Variants in TUT4 observed in about 807,000 individuals in gnomAD.
TUT4 encodes terminal uridylyltransferase 4.
A neutral mutation model predicts 192.2 loss-of-function variants in TUT4; 36 were observed. That is an observed-to-expected ratio of 0.19 (90% CI 0.14 to 0.25). TUT4 has a LOEUF of 0.25. Ranked by LOEUF, TUT4 falls within the 10% of genes least tolerant of loss-of-function variation. The pLI is 1.00. For synonymous variants in TUT4, 618 were observed against 666.0 expected (o/e 0.93, Z 1.11); for missense variants, 1,493 against 1,957.2 (o/e 0.76, Z 4.47).
At position 52,424,010 on chromosome 1, in the gene TUT4, A is replaced by C. The variant is rs1273796516; in HGVS notation, c.4871-8T>G. 6.2e-7 allele frequency: 1 copy of C among 1,607,062 alleles called. No individual in the cohort carries two copies. The highest frequency in any genetic ancestry group is 8.5e-7 in the Non-Finnish European group (1 of 1,176,740). ...GACGGGTGGCACATCTGTCTGTTGG[A>C]TACAACACAGACAGGAAACTGAAAG... On this transcript the variant is annotated splice_polypyrimidine_tract_variant and splice_region_variant and intron_variant, in intron 29 of 29. Transcript: ENST00000257177.
chr1:52,479,057 G>A (rs1432890709), intron 11 of TUT4, among the ~76,000 whole-genome samples: 1 of 152,134 alleles, frequency 6.6e-6, no homozygotes, highest in Non-Finnish European at 1.5e-5. Context: ...AGGTTACAGT[G>A]TTCAATAGAG....
chr1:52,451,642 G>A (rs1201474946), intron 20 of TUT4, among the ~76,000 whole-genome samples: 5 of 152,138 alleles, frequency 3.3e-5, no homozygotes, highest in Non-Finnish European at 5.9e-5. Context: ...AGGAGTTCAA[G>A]ACCAGCCTGG....
intron 7 of TUT4, among the ~76,000 whole-genome samples, chr1:52,492,477 G>A (rs1300360500): frequency 6.6e-6 from 1 of 151,980 alleles, no homozygotes; most frequent in African/African-American, 2.4e-5. Context: ...CTAAACTATA[G>A]TTTAGCCTAT....
intron 1 of TUT4, among the ~76,000 whole-genome samples, chr1:52,549,584 TTAAA>T (rs1688888800): frequency 1.3e-5 from 2 of 152,184 alleles, no homozygotes; most frequent in African/African-American, 4.8e-5. Flanking sequence ...AAATGAATGT[TTAAA>T]TGAATGAATG....
At chr1:52,439,924 A>G (rs774769208) in intron 24 of TUT4, among the ~76,000 whole-genome samples, 2 of 152,236 alleles carry the variant, frequency 1.3e-5, no homozygotes, top group Non-Finnish European at 2.9e-5. Context: ...ATACAATGGA[A>G]TATTTTTCAG....
In TUT4 at chr1:52,432,247, C is replaced by G. The variant is rs1180996878; in HGVS notation, c.4264-787G>C. The G allele has an allele frequency of 2.0e-5, 3 of 152,032 alleles. No individual in the cohort carries two copies. In the South Asian group the frequency reaches 6.2e-4, roughly 32 times the overall value. The allele number at this position is 152,032 out of a possible 1,614,324, so 9.4% of individuals were successfully genotyped here. On this transcript the variant is annotated intron_variant, in intron 27 of 29. Coordinates refer to ENST00000257177, the MANE Select transcript of TUT4 (RefSeq NM_001009881.3). The stretch of plus-strand genomic sequence containing the variant: ...AGAGAAGAGAAATCAGGGAAAGCTT[C>G]CTAGAAAAAGTGATCTTTTAGCTGA...
chr1:52,462,659 A>C, intron 16 of TUT4: 1 of 951,118 alleles, frequency 1.1e-6, no homozygotes, highest in Non-Finnish European at 1.3e-6. Context: ...TGCCTGGCAC[A>C]AAATAAGCCT....
Position 52,530,223 on chromosome 1 carries a change from C to T in TUT4, c.-93-3850G>A, listed in dbSNP as rs562234651. Among the ~76,000 whole-genome samples, 9 of 143,596 alleles carry T rather than the reference C, an allele frequency of 6.3e-5. No individual in the cohort carries two copies. In the South Asian group the frequency reaches 2.0e-3, roughly 32 times the overall value. 94.2% of individuals were successfully genotyped at this position (143,596 alleles called of 152,430 possible). Reference sequence around the variant, plus strand: ...GCAGTGAGCCGAGACCACGCCATTGCACTCCAGCCTGGGTGACAGAGTGAG... The same window carrying T: ...GCAGTGAGCCGAGACCACGCCATTGTACTCCAGCCTGGGTGACAGAGTGAG... On this transcript the variant is annotated intron_variant, in intron 1 of 29. Coordinates refer to ENST00000257177, the MANE Select transcript of TUT4 (RefSeq NM_001009881.3).
chr1:52,493,403 G>A lies in TUT4; in HGVS notation c.1318+208C>T, dbSNP rs543512012. ...CAGCCTACATATCAATTTTAATATG[G>A]CATTTTTTTTTTTACCTAAGTTACA... On this transcript the variant is annotated intron_variant, in intron 7 of 29. Transcript: ENST00000257177. Among the ~76,000 whole-genome samples, 4 of 151,568 alleles carry A rather than the reference G, an allele frequency of 2.6e-5. No homozygotes were observed. The East Asian group carries it at 7.8e-4, about 29-fold the overall frequency.
rs1653873429 is a variant in TUT4 at position 52,436,620 on chromosome 1, A to C, written c.4162+135T>G. On this transcript the variant is annotated intron_variant, in intron 26 of 29. Coordinates refer to ENST00000257177, the MANE Select transcript of TUT4 (RefSeq NM_001009881.3). Reference sequence around the variant, plus strand: ...GTAAAAGCCTCATTGTCTAAATTTTATCTCTTTAAGAAATTGTAAGGTCCA... The same window carrying C: ...GTAAAAGCCTCATTGTCTAAATTTTCTCTCTTTAAGAAATTGTAAGGTCCA... 1.2e-5 allele frequency: 17 copies of C among 1,372,604 alleles called. No individual in the cohort carries two copies. In the South Asian group the frequency reaches 2.0e-4, roughly 16 times the overall value. 85.0% of individuals were successfully genotyped at this position (1,372,604 alleles called of 1,614,324 possible). A position where few individuals can be genotyped will look rare whatever the true frequency, so the allele number is the denominator to read the frequency against.
At chr1:52,522,682 T>C (rs1264990909) in intron 2 of TUT4, among the ~76,000 whole-genome samples, 3 of 152,160 alleles carry the variant, frequency 2.0e-5, no homozygotes, top group East Asian at 3.9e-4. Flanking sequence ...TCCCAGCACT[T>C]TGGGAGGCTG....
At chr1:52,446,945 GAAT>G (rs1176587529) in intron 20 of TUT4, among the ~76,000 whole-genome samples, 1 of 152,048 alleles carries the variant, frequency 6.6e-6, no homozygotes, top group Non-Finnish European at 1.5e-5. Flanking sequence ...TCCAGTCCAA[GAAT>G]AATGAAGCAA....
intron 1 of TUT4, among the ~76,000 whole-genome samples, chr1:52,527,531 C>A (rs1284626400): frequency 6.6e-6 from 1 of 151,588 alleles, no homozygotes; most frequent in East Asian, 1.9e-4. Flanking sequence ...CAGCCTGGGC[C>A]ACAGAGTAAG....
chr1:52,437,711 T>G (rs1654227393), intron 25 of TUT4: 1 of 152,786 alleles, frequency 6.5e-6, no homozygotes, highest in South Asian at 2.1e-4. Flanking sequence ...TCCCAGCACT[T>G]TGGGAGGCCA....
intron 3 of TUT4, among the ~76,000 whole-genome samples, chr1:52,511,878 A>G (rs1677257872): frequency 6.6e-6 from 1 of 152,216 alleles, no homozygotes; most frequent in Non-Finnish European, 1.5e-5. Context: ...TATATTGAGA[A>G]TAGAAGCAGG....
intron 16 of TUT4, chr1:52,462,934 T>C (rs990386578): frequency 6.1e-6 from 6 of 985,322 alleles, no homozygotes; most frequent in Middle Eastern, 5.2e-4. Context: ...TTTTCCAACA[T>C]GTTCTTTTTA....
intron 27 of TUT4, chr1:52,433,693 C>G (rs1287427683): frequency 2.0e-5 from 3 of 152,100 alleles, no homozygotes; most frequent in African/African-American, 7.2e-5. Flanking sequence ...TGACAGAGAG[C>G]CTGAGGGTTC....
intron 26 of TUT4, among the ~76,000 whole-genome samples, chr1:52,435,999 C>G (rs913305093): frequency 3.3e-5 from 5 of 152,068 alleles, no homozygotes; most frequent in African/African-American, 1.2e-4. Flanking sequence ...CTAAAATGTT[C>G]TCTTATTTTT....
intron 24 of TUT4, among the ~76,000 whole-genome samples, chr1:52,443,328 C>T (rs1656287441): frequency 6.6e-6 from 1 of 151,010 alleles, no homozygotes; most frequent in African/African-American, 2.4e-5. Context: ...GTGGCTCACG[C>T]CTGTAATCCC....
Sources: allele counts gnomAD v4.1 joint callset (sites outside exome capture counted in the v4.1 genomes callset), GRCh38; gene constraint gnomAD v4.1.1; transcripts MANE v1.5; gene names NCBI Gene and HGNC (gene_info 2026-07-23, HGNC 2026-07-21).